The following FNDC3A variants were observed in gnomAD, a reference collection of about 807,000 sequenced individuals.
The protein encoded by FNDC3A is fibronectin type III domain containing 3A, also known as fibronectin type-III domain-containing protein 3A.
In FNDC3A, 32 loss-of-function variants were observed where a neutral mutation model predicts 148.9. The observed-to-expected ratio is 0.21, with a 90% CI of 0.16 to 0.29. FNDC3A has a LOEUF of 0.29. FNDC3A is among the 10% of genes least tolerant of loss of function. The pLI, the probability that FNDC3A is intolerant of heterozygous loss-of-function variation, is 1.00. For synonymous variants in FNDC3A, 472 were observed against 473.6 expected (o/e 1.00, Z 0.04); for missense variants, 1,191 against 1,452.8 (o/e 0.82, Z 2.93).
At chr13:49,056,217 T>C (rs530627865) in intron 2 of FNDC3A, among the ~76,000 whole-genome samples, 1 of 151,998 alleles carries the variant, frequency 6.6e-6, no homozygotes, top group South Asian at 2.1e-4. Flanking sequence ...TTTAACTCTT[T>C]GTCAACACTA....
intron 3 of FNDC3A, among the ~76,000 whole-genome samples, chr13:49,085,150 C>T (rs1437553577): frequency 1.3e-5 from 2 of 152,142 alleles, no homozygotes; most frequent in Non-Finnish European, 2.9e-5. Context: ...CGTCCATCCT[C>T]ATTCCTGCAA....
At chr13:48,987,405 C>G (rs1294265159) in intron 1 of FNDC3A, among the ~76,000 whole-genome samples, 2 of 152,114 alleles carry the variant, frequency 1.3e-5, no homozygotes, top group African/African-American at 4.8e-5. Flanking sequence ...TCAAGATTTC[C>G]TTTGAAGTCT....
Position 49,201,801 on chromosome 13 carries a change from T to C in FNDC3A, c.2989T>C (p.Phe997Leu). 1 of 1,448,950 alleles carries C rather than the reference T, an allele frequency of 6.9e-7. No homozygotes were observed. The highest frequency in any genetic ancestry group is 2.5e-5 in the Admixed American group (1 of 40,310). 89.8% of individuals were successfully genotyped at this position (1,448,950 alleles called of 1,614,324 possible). The change falls in exon 24 of 26, where the codon TTT (phenylalanine) becomes CTT (leucine). Residue 997 changes from phenylalanine (F) to leucine (L), a missense_variant and splice_region_variant. Coordinates refer to ENST00000492622, the MANE Select transcript of FNDC3A (RefSeq NM_001079673.2). ...HLQMEDKNGR[F>L]VSLYRGPCHT... ...ATCTAATAGTTATTTCCATTTTAGG[T>C]TTGTATCCCTATACAGAGGACCATG...
At position 49,168,784 on chromosome 13, in the gene FNDC3A, A is replaced by G. The variant is rs770032180; in HGVS notation, c.1176+33A>G. ...TATTCTTTAGGGTGTTTCCAACTGG[A>G]CATGTGTTTCTTTGTTTCCCCTGGT... On this transcript the variant is annotated intron_variant, in intron 10 of 25. Transcript: ENST00000492622. 1.5e-5 allele frequency: 24 copies of G among 1,596,680 alleles called. No individual in the cohort carries two copies. The South Asian group carries it at 1.9e-4, about 13-fold the overall frequency.
intron 3 of FNDC3A, among the ~76,000 whole-genome samples, chr13:49,104,122 TTGTTAGCAA>T (rs1342758777): frequency 6.6e-6 from 1 of 151,824 alleles, no homozygotes; most frequent in African/African-American, 2.4e-5. Flanking sequence ...TTTAAGAGAG[TTGTTAGCAA>T]TGTTCATTGG....
intron 2 of FNDC3A, among the ~76,000 whole-genome samples, chr13:49,032,287 G>A (rs1263397843): frequency 6.6e-6 from 1 of 152,062 alleles, no homozygotes; most frequent in African/African-American, 2.4e-5. Flanking sequence ...TCACTCCTAG[G>A]TATATATCCA....
At chr13:49,148,352 C>CATTTA (rs112905180) in intron 8 of FNDC3A, among the ~76,000 whole-genome samples, 6,933 of 152,082 alleles carry the variant, frequency 0.046, 478 homozygotes, top group African/African-American at 0.15. Flanking sequence ...AGGTCTTAAA[C>CATTTA]ATTTAAGTCT....
intron 10 of FNDC3A, among the ~76,000 whole-genome samples, chr13:49,169,767 T>C (rs1884660282): frequency 6.6e-6 from 1 of 152,200 alleles, no homozygotes; most frequent in Non-Finnish European, 1.5e-5. Flanking sequence ...CTGTAGCTTG[T>C]TAGTTTCTAG....
intron 3 of FNDC3A, among the ~76,000 whole-genome samples, chr13:49,089,707 C>G (rs1036707986): frequency 1.2e-4 from 19 of 152,270 alleles, no homozygotes; most frequent in African/African-American, 4.6e-4. Context: ...GGTAAGAGGT[C>G]TCCAACCTCC....
rs1483554660 is a variant in FNDC3A at position 49,173,257 on chromosome 13, C to T, written c.1230+1161C>T. Among the ~76,000 whole-genome samples, 9 of 152,104 alleles carry T rather than the reference C, an allele frequency of 5.9e-5. 1 individual carries two copies. The highest frequency in any genetic ancestry group is 5.2e-4 in the Admixed American group (8 of 15,268). On this transcript the variant is annotated intron_variant, in intron 11 of 25. Transcript: ENST00000492622. ...TTCCATTGATAAGTTGGGAATTCGGCAGTATATTAAAAGAATAATAAAGCA... is the reference window on the plus strand; with the variant it reads ...TTCCATTGATAAGTTGGGAATTCGGTAGTATATTAAAAGAATAATAAAGCA...
intron 2 of FNDC3A, among the ~76,000 whole-genome samples, chr13:49,017,616 T>G (rs1872909468): frequency 6.6e-6 from 1 of 152,140 alleles, no homozygotes. Context: ...AAGTTAATAT[T>G]GTTATGTGTG....
rs1882000830 is a variant in FNDC3A, at chr13:49,131,091, G to T, written c.253-46G>T. 3 of 1,445,858 alleles carry T rather than the reference G, an allele frequency of 2.1e-6. No homozygotes were observed. The South Asian group carries it at 3.4e-5, about 16-fold the overall frequency. 89.6% of individuals were successfully genotyped at this position (1,445,858 alleles called of 1,614,324 possible). ...TACTCTTAACATTTTTAAAAGAATT[G>T]TTTATATTCTATGGAAGAAATTTTA... On this transcript the variant is annotated intron_variant, in intron 4 of 25. Transcript: ENST00000492622.
intron 10 of FNDC3A, 91 bp downstream of exon 10, chr13:49,168,842 GAGC>G: frequency 8.3e-7 from 1 of 1,210,950 alleles, no homozygotes; most frequent in South Asian, 1.4e-5. Flanking sequence ...TGGAGACAAA[GAGC>G]TTTAATTTGT....
chr13:49,029,216 A>G (rs1873940095), intron 2 of FNDC3A, among the ~76,000 whole-genome samples: 1 of 152,202 alleles, frequency 6.6e-6, no homozygotes, highest in Non-Finnish European at 1.5e-5. Context: ...GAAATAATAC[A>G]AAGTATTTTC....
At chr13:49,118,036 G>C (rs114975368) in intron 4 of FNDC3A, among the ~76,000 whole-genome samples, 2,852 of 152,236 alleles carry the variant, frequency 0.019, 94 homozygotes, top group African/African-American at 0.064. Flanking sequence ...AGGTTAGTGG[G>C]CTACTATTAT....
At chr13:49,108,865 C>T (rs1880370390) in intron 3 of FNDC3A, among the ~76,000 whole-genome samples, 1 of 151,658 alleles carries the variant, frequency 6.6e-6, no homozygotes, top group Non-Finnish European at 1.5e-5. Flanking sequence ...TAACAATTAC[C>T]TTTCCCCACT....
Position 49,013,686 on chromosome 13 carries a change from C to T in FNDC3A, c.99+7397C>T, listed in dbSNP as rs999477441. On this transcript the variant is annotated intron_variant, in intron 2 of 25. Transcript: ENST00000492622. ...CATGTACATATGTGCCATGCTGGTG[C>T]GCTGCACCCACTAACTCGTCATCTA... is the stretch of plus-strand genomic sequence containing the variant. Among the ~76,000 whole-genome samples, 18 of 150,450 alleles carry T rather than the reference C, an allele frequency of 1.2e-4. No individual in the cohort carries two copies. The East Asian group carries it at 1.6e-3, about 13-fold the overall frequency.
intron 19 of FNDC3A, 75 bp from the exon 20 acceptor site, chr13:49,196,802 A>G (rs1311824797): frequency 2.9e-6 from 2 of 682,778 alleles, no homozygotes; most frequent in Non-Finnish European, 4.9e-6. Flanking sequence ...ATGAATCTTT[A>G]AATATGCAGT....
intron 1 of FNDC3A, among the ~76,000 whole-genome samples, chr13:48,995,403 T>C (rs974399169): frequency 6.6e-6 from 1 of 151,914 alleles, no homozygotes; most frequent in Non-Finnish European, 1.5e-5. Context: ...TCCAAAGATA[T>C]GAAAAAAGTG....
Sources: allele counts gnomAD v4.1 joint callset (sites outside exome capture counted in the v4.1 genomes callset), GRCh38; gene constraint gnomAD v4.1.1; transcripts MANE v1.5; gene names NCBI Gene and HGNC (gene_info 2026-07-23, HGNC 2026-07-21).